The following CEMIP variants were observed in gnomAD, a reference collection of about 807,000 sequenced individuals.
CEMIP encodes cell migration inducing hyaluronidase 1.
In CEMIP, 105 loss-of-function variants were observed where a neutral mutation model predicts 156.9. The ratio of observed to expected loss-of-function variants is 0.67; its 90% CI spans 0.57 to 0.79. The LOEUF is 0.79. Among genes scored for constraint, CEMIP ranks in the 30% least tolerant of loss-of-function variants. The pLI is 0.00. For synonymous variants in CEMIP, 676 were observed against 668.4 expected (o/e 1.01, Z -0.17); for missense variants, 1,457 against 1,769.4 (o/e 0.82, Z 3.17).
intron 1 of CEMIP, among the ~76,000 whole-genome samples, chr15:80,866,459 G>A (rs981083083): frequency 6.6e-5 from 10 of 152,092 alleles, no homozygotes; most frequent in South Asian, 2.1e-4. Flanking sequence ...AGGCGTGGTG[G>A]TGGGCGCCTG....
intron 1 of CEMIP, among the ~76,000 whole-genome samples, chr15:80,829,288 G>A (rs907478681): frequency 6.6e-6 from 1 of 152,134 alleles, no homozygotes; most frequent in Admixed American, 6.5e-5. Flanking sequence ...CCGTCTTCTG[G>A]GTTCCTGATA....
chr15:80,862,735 C>A (rs77785142), intron 1 of CEMIP, among the ~76,000 whole-genome samples: 117 of 152,296 alleles, frequency 7.7e-4, no homozygotes, highest in African/African-American at 2.7e-3. Context: ...CTTAGCTAAA[C>A]CCCCAGTGAG....
Position 80,909,260 on chromosome 15 carries a change from A to G in CEMIP, c.1751A>G (p.His584Arg). 6.2e-7 allele frequency: 1 copy of G among 1,613,956 alleles called. No individual in the cohort carries two copies. ...TACATCAGGGACCTCTCCATCCATCATACATTCTCTCGCTGCGTCACAGTC... is the reference window on the plus strand; with the variant it reads ...TACATCAGGGACCTCTCCATCCATCGTACATTCTCTCGCTGCGTCACAGTC... ...PTYIRDLSIHHTFSRCVTVHG... is the reference protein window; with the variant it reads ...PTYIRDLSIHRTFSRCVTVHG... Residue 584 changes from histidine to arginine, a missense_variant, in exon 14 of 30, where the codon CAT becomes CGT. By Grantham distance (29) the His-to-Arg change is conservative. This residue lies in a region of CEMIP where 53 missense variants were observed against 104.5 expected (regional missense o/e 0.51). Transcript: ENST00000394685.
At chr15:80,812,818 G>A (rs1353080164) in intron 1 of CEMIP, among the ~76,000 whole-genome samples, 1 of 152,158 alleles carries the variant, frequency 6.6e-6, no homozygotes, top group East Asian at 1.9e-4. Flanking sequence ...GAATGAAAGT[G>A]CTGTTAACAA....
chr15:80,790,927 G>A (rs1228608715), intron 1 of CEMIP, among the ~76,000 whole-genome samples: 3 of 152,076 alleles, frequency 2.0e-5, no homozygotes, highest in Non-Finnish European at 4.4e-5. Context: ...CTGTAACAGA[G>A]GCATAAACAA....
intron 19 of CEMIP, among the ~76,000 whole-genome samples, chr15:80,926,984 C>G (rs1043316018): frequency 1.6e-4 from 24 of 152,212 alleles, no homozygotes; most frequent in African/African-American, 5.3e-4. Flanking sequence ...GCGTGCACCA[C>G]CACGCCAGGC....
intron 1 of CEMIP, among the ~76,000 whole-genome samples, chr15:80,844,238 G>T (rs1299930749): frequency 6.6e-6 from 1 of 152,302 alleles, no homozygotes; most frequent in South Asian, 2.1e-4. Flanking sequence ...CCCCTGTCGC[G>T]CCCTCCCCCT....
At chr15:80,792,557 C>T (rs566300243) in intron 1 of CEMIP, among the ~76,000 whole-genome samples, 8 of 152,170 alleles carry the variant, frequency 5.3e-5, no homozygotes, top group African/African-American at 9.7e-5. Flanking sequence ...AACTAATACA[C>T]GGCAACTTCT....
At chr15:80,811,062 T>G (rs1896661609) in intron 1 of CEMIP, among the ~76,000 whole-genome samples, 2 of 152,172 alleles carry the variant, frequency 1.3e-5, no homozygotes. Context: ...GGCCTTGTAG[T>G]AGACACCAGG....
intron 1 of CEMIP, among the ~76,000 whole-genome samples, chr15:80,795,589 CTG>C (rs1338230468): frequency 6.6e-6 from 1 of 152,122 alleles, no homozygotes; most frequent in Non-Finnish European, 1.5e-5. Context: ...CCAGGACACA[CTG>C]GGCACGGCCA....
chr15:80,857,018 G>T (rs1160544512), intron 1 of CEMIP, among the ~76,000 whole-genome samples: 1 of 152,152 alleles, frequency 6.6e-6, no homozygotes, highest in Non-Finnish European at 1.5e-5. Context: ...AACCAGAGTG[G>T]TTTCTACAAA....
At chr15:80,855,693 T>C (rs1054106115) in intron 1 of CEMIP, among the ~76,000 whole-genome samples, 2 of 152,090 alleles carry the variant, frequency 1.3e-5, no homozygotes, top group African/African-American at 4.8e-5. Context: ...TGGCTAATTT[T>C]TGCGTTTTTA....
intron 1 of CEMIP, among the ~76,000 whole-genome samples, chr15:80,801,870 C>T (rs56141205): frequency 0.36 from 54,264 of 152,066 alleles, 10,784 homozygotes; most frequent in Non-Finnish European, 0.46. Flanking sequence ...GATAATAATA[C>T]GGGATAACAA....
chr15:80,847,246 G>A (rs1012653460), intron 1 of CEMIP, among the ~76,000 whole-genome samples: 7 of 152,072 alleles, frequency 4.6e-5, no homozygotes, highest in African/African-American at 1.4e-4. Context: ...ATGGGGTTTC[G>A]CCATGTTGGC....
At chr15:80,937,122 C>A (rs188682473) in intron 24 of CEMIP, among the ~76,000 whole-genome samples, 6 of 152,356 alleles carry the variant, frequency 3.9e-5, no homozygotes, top group Non-Finnish European at 8.8e-5. Context: ...GCTCCTTGAT[C>A]TTTGAGTTGA....
At chr15:80,847,755 G>A (rs1231164634) in intron 1 of CEMIP, among the ~76,000 whole-genome samples, 2 of 152,214 alleles carry the variant, frequency 1.3e-5, no homozygotes, top group African/African-American at 4.8e-5. Flanking sequence ...TGGCAAAACC[G>A]TGGGTTTCTT....
In CEMIP at chr15:80,937,853, C is replaced by T. The variant is rs750169411; in HGVS notation, c.3281C>T (p.Ser1094Leu). The change falls in exon 25 of 30, where the codon TCG (serine) becomes TTG (leucine). Residue 1094 changes from serine to leucine, a missense_variant. Physicochemically the swap from Ser to Leu is moderately radical, Grantham distance 145 (BLOSUM62 -2). Around this residue, in one of 5 missense-constraint regions of CEMIP, gnomAD observed 798 missense variants for 980.1 expected, o/e 0.81. Transcript: ENST00000394685. ...YPRGTTFSIL[S>L]DVHNRLLKQT... is the part of the protein sequence containing the mutation. Reference sequence around the variant, plus strand: ...CGAGGCACCACATTCTCCATCCTCTCGGATGTTCACAATCGCCTGCTGAAG... The same window carrying T: ...CGAGGCACCACATTCTCCATCCTCTTGGATGTTCACAATCGCCTGCTGAAG... 5.0e-6 allele frequency: 8 copies of T among 1,614,090 alleles called. No homozygotes were observed. The highest frequency in any genetic ancestry group is 1.3e-5 in the African/African-American group (1 of 74,926).
At chr15:80,850,508 G>A (rs1257568736) in intron 1 of CEMIP, among the ~76,000 whole-genome samples, 2 of 152,090 alleles carry the variant, frequency 1.3e-5, no homozygotes, top group African/African-American at 4.8e-5. Flanking sequence ...CAAACTCCTG[G>A]CTTCAAGTGA....
At chr15:80,837,234 G>A (rs1454349397) in intron 1 of CEMIP, among the ~76,000 whole-genome samples, 1 of 152,218 alleles carries the variant, frequency 6.6e-6, no homozygotes, top group Non-Finnish European at 1.5e-5. Context: ...GAGACGCACA[G>A]ATGGGGGAGA....
Sources: gnomAD v4.1 joint callset for allele counts (sites outside exome capture counted in the v4.1 genomes callset) on GRCh38, gnomAD v4.1.1 for gene constraint, gnomAD v4.1.1 regional missense constraint, MANE v1.5 for transcripts, NCBI Gene and HGNC (gene_info 2026-07-23, HGNC 2026-07-21) for gene names.